The following MYO5A variants were observed in gnomAD, a reference collection of about 807,000 sequenced individuals.
MYO5A encodes the protein unconventional myosin-Va.
A neutral mutation model predicts 249.7 loss-of-function variants in MYO5A; 98 were observed. The observed-to-expected ratio is 0.39, with a 90% CI of 0.33 to 0.46. The LOEUF is 0.46. Ranked by LOEUF, MYO5A falls within the 20% of genes least tolerant of loss-of-function variation. The probability of loss-of-function intolerance (pLI) is 0.98; values close to 1 mark genes in which losing one functional copy is unlikely to be tolerated. For synonymous variants in MYO5A, 778 were observed against 810.6 expected (o/e 0.96, Z 0.68); for missense variants, 1,696 against 2,308.8 (o/e 0.73, Z 5.44).
Position 52,397,341 on chromosome 15 carries a change from C to T in MYO5A, c.1179G>A (p.Lys393=). The change falls in exon 10 of 42, where the codon AAG becomes AAA. Residue 393 remains lysine (K), a synonymous_variant. Transcript: ENST00000399233. ...CATCGCGGGCATTCGTGGCCTGCAG[C>T]TTGGAGATGGGCTTGATGTATGTCT... is the stretch of plus-strand genomic sequence containing the variant. ...ATETYIKPIS[K]LQATNARDAL... 1 of 1,614,032 alleles carries T rather than the reference C, an allele frequency of 6.2e-7. No homozygotes were observed. The highest frequency in any genetic ancestry group is 2.2e-5 in the East Asian group (1 of 44,866).
chr15:52,357,812 G>T (rs934036793), intron 25 of MYO5A, among the ~76,000 whole-genome samples: 1 of 152,156 alleles, frequency 6.6e-6, no homozygotes, highest in Non-Finnish European at 1.5e-5. Context: ...TTTTGCCTTA[G>T]TAAGGACTTT....
At chr15:52,382,518 C>G (rs926370694) in intron 16 of MYO5A, among the ~76,000 whole-genome samples, 1 of 152,140 alleles carries the variant, frequency 6.6e-6, no homozygotes, top group African/African-American at 2.4e-5. Flanking sequence ...TTGCGGTAAG[C>G]CGAGATCGCG....
chr15:52,505,837 G>A, intron 1 of MYO5A: 1 of 1,589,212 alleles, frequency 6.3e-7, no homozygotes, highest in East Asian at 2.2e-5. Context: ...GCAGCCCATG[G>A]ATGTGGCTGC....
intron 2 of MYO5A, among the ~76,000 whole-genome samples, chr15:52,431,231 C>CAAA (rs1333488857): frequency 3.7e-4 from 17 of 45,844 alleles, no homozygotes; most frequent in East Asian, 2.4e-3. Context: ...AATTCCGTCT[C>CAAA]AAAAAAAAAA....
chr15:52,354,545 A>AC (rs930798525), intron 25 of MYO5A, among the ~76,000 whole-genome samples: 3 of 152,196 alleles, frequency 2.0e-5, no homozygotes, highest in Non-Finnish European at 2.9e-5. Context: ...ACTGTGAAAT[A>AC]TTTTTTAGCT....
At chr15:52,428,858 T>C (rs537159925) in intron 2 of MYO5A, among the ~76,000 whole-genome samples, 3 of 152,344 alleles carry the variant, frequency 2.0e-5, no homozygotes, top group African/African-American at 7.2e-5. Context: ...CTTTTAAATA[T>C]GTTTCTCTCC....
At chr15:52,321,312 C>T in intron 38 of MYO5A, 47 bp downstream of exon 38, 1 of 1,612,864 alleles carries the variant, frequency 6.2e-7, no homozygotes. Context: ...TATCGATGGG[C>T]ATGAATGATA....
intron 2 of MYO5A, among the ~76,000 whole-genome samples, chr15:52,428,925 C>G (rs954032932): frequency 5.3e-5 from 8 of 152,184 alleles, no homozygotes; most frequent in African/African-American, 1.9e-4. Context: ...TGGTCGAGAG[C>G]TTGGCTCTAG....
chr15:52,399,762 T>A (rs771831414), intron 9 of MYO5A, among the ~76,000 whole-genome samples: 3 of 152,168 alleles, frequency 2.0e-5, no homozygotes, highest in Non-Finnish European at 4.4e-5. Context: ...TATGAATGAA[T>A]CCATCACTTA....
In MYO5A at chr15:52,485,669, C is replaced by T. The variant is rs148891885; in HGVS notation, c.27+43111G>A. On this transcript the variant is annotated intron_variant, in intron 1 of 41. Coordinates refer to ENST00000399233, the MANE Select transcript of MYO5A (RefSeq NM_001382347.1). ...GCTAATGTAATTTTTCACATCATAG[C>T]CAGAAAGGAGTGGGTTTTACATAGA... Among the ~76,000 whole-genome samples the T allele has an allele frequency of 6.9e-3, 1,044 of 152,128 alleles. 11 individuals carry two copies. The highest frequency in any genetic ancestry group is 0.041 in the South Asian group (199 of 4,802).
intron 1 of MYO5A, among the ~76,000 whole-genome samples, chr15:52,477,068 A>G (rs1211686508): frequency 1.3e-5 from 2 of 152,066 alleles, no homozygotes; most frequent in Non-Finnish European, 2.9e-5. Context: ...ATAGTCCCAT[A>G]TTTCTTGGAG....
chr15:52,383,297 A>G, intron 15 of MYO5A, 109 bp from the exon 16 acceptor site: 2 of 892,804 alleles, frequency 2.2e-6, no homozygotes, highest in Non-Finnish European at 1.8e-6. Context: ...AAACTTTGCC[A>G]CTTATAAACT....
intron 1 of MYO5A, 40 bp downstream of exon 1, chr15:52,528,740 C>T: frequency 6.7e-7 from 1 of 1,495,470 alleles, no homozygotes; most frequent in Non-Finnish European, 8.9e-7. Flanking sequence ...GCGAGGGCCG[C>T]ACAGCCCCAG....
intron 2 of MYO5A, among the ~76,000 whole-genome samples, chr15:52,431,280 C>A (rs56850880): frequency 0.15 from 21,447 of 145,910 alleles, 1,711 homozygotes; most frequent in Middle Eastern, 0.23. Flanking sequence ...TTAATCCCAG[C>A]ACTTTGGGAG....
chr15:52,358,887 T>A (rs1385287289), intron 25 of MYO5A, among the ~76,000 whole-genome samples: 1 of 152,226 alleles, frequency 6.6e-6, no homozygotes, highest in Non-Finnish European at 1.5e-5. Context: ...TACTGTTATA[T>A]CCATGGGCCC....
At chr15:52,465,536 A>C (rs926021184) in intron 1 of MYO5A, among the ~76,000 whole-genome samples, 19 of 152,232 alleles carry the variant, frequency 1.2e-4, no homozygotes, top group African/African-American at 3.9e-4. Context: ...TTTTGCCTGT[A>C]GTCCCAGCTA....
At chr15:52,491,962 A>G (rs2076944153) in intron 1 of MYO5A, among the ~76,000 whole-genome samples, 1 of 152,236 alleles carries the variant, frequency 6.6e-6, no homozygotes, top group Non-Finnish European at 1.5e-5. Flanking sequence ...GAGACTTACA[A>G]TAAGTGTCAA....
chr15:52,503,597 C>T (rs34602777), intron 1 of MYO5A, among the ~76,000 whole-genome samples: 101,016 of 151,676 alleles, frequency 0.67, 35,761 homozygotes, highest in Non-Finnish European at 0.76. Context: ...TGCCATTGCA[C>T]ACCAGCCTGG....
At chr15:52,345,592 A>G (rs982033423) in intron 30 of MYO5A, among the ~76,000 whole-genome samples, 1 of 151,946 alleles carries the variant, frequency 6.6e-6, no homozygotes, top group Non-Finnish European at 1.5e-5. Context: ...TTCAAAAAAA[A>G]AAAAAAGAAA....
Sources: gnomAD v4.1 joint callset for allele counts (sites outside exome capture counted in the v4.1 genomes callset) on GRCh38, gnomAD v4.1.1 for gene constraint, MANE v1.5 for transcripts, NCBI Gene and HGNC (gene_info 2026-07-23, HGNC 2026-07-21) for gene names.